RBFOX3: variants seen among roughly 807,000 people sequenced by gnomAD.
The protein encoded by RBFOX3 is RNA binding protein fox-1 homolog 3.
Under a neutral mutation model 48.7 loss-of-function variants are expected in RBFOX3, and 17 were observed. The observed-to-expected ratio is 0.35, with a 90% CI of 0.24 to 0.52. The LOEUF (loss-of-function observed/expected upper bound fraction) is 0.52, where lower values mean the gene tolerates loss of function less well. Among genes scored for constraint, RBFOX3 ranks in the 20% least tolerant of loss-of-function variants. The pLI is 0.94. For synonymous variants in RBFOX3, 212 were observed against 209.5 expected (o/e 1.01, Z -0.10); for missense variants, 382 against 497.5 (o/e 0.77, Z 2.21).
intron 2 of RBFOX3, among the ~76,000 whole-genome samples, chr17:79,460,015 G>A (rs556803032): frequency 1.3e-5 from 2 of 152,250 alleles, no homozygotes; most frequent in African/African-American, 4.8e-5. Flanking sequence ...CTGCAGAAGG[G>A]CAGGTTTCAC....
At chr17:79,142,249 T>C (rs1272429969) in intron 4 of RBFOX3, among the ~76,000 whole-genome samples, 1 of 152,166 alleles carries the variant, frequency 6.6e-6, no homozygotes, top group African/African-American at 2.4e-5. Flanking sequence ...CCCCGGCCTC[T>C]GGCCCGACTG....
intron 2 of RBFOX3, among the ~76,000 whole-genome samples, chr17:79,397,767 G>A (rs1188302853): frequency 6.6e-6 from 1 of 152,176 alleles, no homozygotes; most frequent in Non-Finnish European, 1.5e-5. Flanking sequence ...CCTCCAGGAC[G>A]TCGGGGAACC....
intron 4 of RBFOX3, among the ~76,000 whole-genome samples, chr17:79,116,679 C>G (rs1346288323): frequency 6.6e-6 from 1 of 152,224 alleles, no homozygotes; most frequent in Non-Finnish European, 1.5e-5. Flanking sequence ...TGTCGGGGGG[C>G]AGGGAGGGTT....
the RBFOX3 span, among the ~76,000 whole-genome samples, chr17:79,642,631 TAA>T: frequency 1.3e-5 from 2 of 152,234 alleles, no homozygotes; most frequent in African/African-American, 4.8e-5. Flanking sequence ...AAAAAAAGTA[TAA>T]AGTCTAGATA....
At position 79,221,850 on chromosome 17, in the gene RBFOX3, A is replaced by T. The variant is rs576851690; in HGVS notation, c.-34+13916T>A. On this transcript the variant is annotated intron_variant, in intron 4 of 14. Coordinates refer to ENST00000693108, the MANE Select transcript of RBFOX3 (RefSeq NM_001350451.2). Reference sequence around the variant, plus strand: ...GGGGAGGTGACAGGATGCAGGCAGCAGCATCAGCTTTGAGTCTCTGGGGCT... The same window carrying T: ...GGGGAGGTGACAGGATGCAGGCAGCTGCATCAGCTTTGAGTCTCTGGGGCT... Among the ~76,000 whole-genome samples, 17 of 152,364 alleles carry T rather than the reference A, an allele frequency of 1.1e-4. No individual in the cohort carries two copies. The South Asian group carries it at 3.5e-3, about 32-fold the overall frequency.
chr17:79,467,809 T>G (rs1158536058), intron 2 of RBFOX3, among the ~76,000 whole-genome samples: 1 of 152,084 alleles, frequency 6.6e-6, no homozygotes, highest in Non-Finnish European at 1.5e-5. Context: ...TATGGGCCTT[T>G]GAGTCCTCCC....
At chr17:79,628,913 G>A in the RBFOX3 span, among the ~76,000 whole-genome samples, 4 of 152,340 alleles carry the variant, frequency 2.6e-5, no homozygotes, top group Admixed American at 2.0e-4. Context: ...CAAGCAACAC[G>A]AGGGGGCATG....
intron 2 of RBFOX3, among the ~76,000 whole-genome samples, chr17:79,379,958 C>T (rs572520662): frequency 1.2e-4 from 18 of 152,300 alleles, no homozygotes; most frequent in African/African-American, 4.1e-4. Context: ...CTTGGTACAG[C>T]TTCTCCCTCC....
intron 4 of RBFOX3, among the ~76,000 whole-genome samples, chr17:79,155,654 G>A (rs1306608973): frequency 1.3e-5 from 2 of 152,106 alleles, no homozygotes; most frequent in Admixed American, 6.5e-5. Flanking sequence ...TTAGGGGCAC[G>A]GAGATGAGAA....
chr17:79,540,662 G>A (rs1298819614), intron 1 of RBFOX3, among the ~76,000 whole-genome samples: 1 of 152,238 alleles, frequency 6.6e-6, no homozygotes, highest in Non-Finnish European at 1.5e-5. Flanking sequence ...GCACAGACGT[G>A]GGCTGAGAGC....
intron 1 of RBFOX3, among the ~76,000 whole-genome samples, chr17:79,518,218 TCTC>T (rs1475323791): frequency 1.2e-3 from 190 of 152,336 alleles, no homozygotes; most frequent in African/African-American, 4.5e-3. Flanking sequence ...TTTCTCTCTC[TCTC>T]CTCTTTTCGC....
the RBFOX3 span, among the ~76,000 whole-genome samples, chr17:79,653,230 A>C: frequency 6.6e-6 from 1 of 152,200 alleles, no homozygotes; most frequent in African/African-American, 2.4e-5. Flanking sequence ...AGGGTTGAGC[A>C]AAGAAAAGTC....
intron 4 of RBFOX3, among the ~76,000 whole-genome samples, chr17:79,190,998 T>C (rs539826857): frequency 6.6e-6 from 1 of 152,290 alleles, no homozygotes; most frequent in Admixed American, 6.5e-5. Flanking sequence ...TTGGTTAGAA[T>C]TGAACTGAGG....
chr17:79,364,941 C>T lies in RBFOX3; in HGVS notation c.-174-57117G>A, dbSNP rs530376967. 6.6e-6 allele frequency among the ~76,000 whole-genome samples: 1 copy of T among 152,222 alleles called. No homozygotes were observed. Among genetic ancestry groups the T allele is most frequent in the East Asian group, 1.9e-4 (1 of 5,162 alleles). ...TGGCTGGGCAGGAGCCACCCAGCTG[C>T]AGTGCTTGGGCAGCAGTCAGCCCAA... On this transcript the variant is annotated intron_variant, in intron 2 of 14. Coordinates refer to ENST00000693108, the MANE Select transcript of RBFOX3 (RefSeq NM_001350451.2). This position sits in a 1 kb window ranked among gnomAD's most constrained non-coding sequence, Gnocchi z 5.1.
intron 1 of RBFOX3, among the ~76,000 whole-genome samples, chr17:79,584,501 C>T (rs893288265): frequency 3.8e-4 from 58 of 152,124 alleles, no homozygotes; most frequent in African/African-American, 1.4e-3. Context: ...AAATGCCCAT[C>T]AAATCAATGA....
At chr17:79,521,471 C>T (rs978415043) in intron 1 of RBFOX3, among the ~76,000 whole-genome samples, 15 of 152,166 alleles carry the variant, frequency 9.9e-5, no homozygotes, top group African/African-American at 3.4e-4. Flanking sequence ...GAGATACACA[C>T]ATTCAGACAC....
At chr17:79,419,444 G>A (rs538932989) in intron 2 of RBFOX3, among the ~76,000 whole-genome samples, 16 of 152,350 alleles carry the variant, frequency 1.1e-4, no homozygotes, top group Middle Eastern at 3.4e-3. Context: ...AGCTTCGGAA[G>A]TGCATAGCAG....
intron 1 of RBFOX3, among the ~76,000 whole-genome samples, chr17:79,558,317 G>T (rs957945949): frequency 2.6e-5 from 4 of 152,210 alleles, no homozygotes; most frequent in African/African-American, 9.6e-5. Flanking sequence ...CTAACACAGA[G>T]AGAGTGAGAG....
At chr17:79,331,454 G>C (rs763172166) in intron 2 of RBFOX3, among the ~76,000 whole-genome samples, 1 of 152,182 alleles carries the variant, frequency 6.6e-6, no homozygotes, top group African/African-American at 2.4e-5. Context: ...CCCACCCCAA[G>C]CTGAACCTGG....
Sources: allele counts gnomAD v4.1 joint callset (sites outside exome capture counted in the v4.1 genomes callset), GRCh38; gene constraint gnomAD v4.1.1; non-coding constraint Gnocchi (gnomAD v3.1); transcripts MANE v1.5; gene names NCBI Gene and HGNC (gene_info 2026-07-23, HGNC 2026-07-21).